The following LRRC4C variants were observed in gnomAD, a reference collection of about 807,000 sequenced individuals.
LRRC4C encodes the protein leucine-rich repeat-containing protein 4C.
A neutral mutation model predicts 33.6 loss-of-function variants in LRRC4C; 5 were observed. The observed-to-expected ratio is 0.15, with a 90% confidence interval of 0.08 to 0.31. The LOEUF (loss-of-function observed/expected upper bound fraction) is 0.31. LRRC4C is among the 10% of genes least tolerant of loss of function. The pLI, the probability that LRRC4C is intolerant of heterozygous loss-of-function variation, is 1.00. For synonymous variants in LRRC4C, 329 were observed against 302.0 expected (o/e 1.09, Z -0.93); for missense variants, 560 against 796.7 (o/e 0.70, Z 3.58).
At chr11:40,776,438 T>G (rs61888006) in intron 2 of LRRC4C, among the ~76,000 whole-genome samples, 1 of 152,150 alleles carries the variant, frequency 6.6e-6, no homozygotes, top group Admixed American at 6.5e-5. Flanking sequence ...GGGTTTCAAT[T>G]TCTTCCTGAT....
chr11:40,837,903 T>TAC (rs1175548017), intron 2 of LRRC4C, among the ~76,000 whole-genome samples: 1 of 134,462 alleles, frequency 7.4e-6, no homozygotes, highest in Non-Finnish European at 1.6e-5. Context: ...TATATATATA[T>TAC]ACACACCCTC....
At chr11:41,352,443 A>G (rs1415721758) in intron 1 of LRRC4C, among the ~76,000 whole-genome samples, 1 of 152,130 alleles carries the variant, frequency 6.6e-6, no homozygotes, top group African/African-American at 2.4e-5. Context: ...CCCCACTGAG[A>G]GTGTTTGACA....
At chr11:40,453,105 G>A (rs919544088) in intron 3 of LRRC4C, among the ~76,000 whole-genome samples, 7 of 151,916 alleles carry the variant, frequency 4.6e-5, no homozygotes, top group African/African-American at 9.7e-5. Context: ...TGGGTGCAGC[G>A]CACCAGCATG....
At chr11:41,374,954 C>T (rs1952882753) in intron 1 of LRRC4C, among the ~76,000 whole-genome samples, 1 of 151,804 alleles carries the variant, frequency 6.6e-6, no homozygotes, top group South Asian at 2.1e-4. Flanking sequence ...GGCAAAATCC[C>T]GTCTCTACTA....
At chr11:40,525,828 A>G (rs1956025281) in intron 3 of LRRC4C, among the ~76,000 whole-genome samples, 1 of 152,166 alleles carries the variant, frequency 6.6e-6, no homozygotes, top group Non-Finnish European at 1.5e-5. Context: ...ACTCCCAGAT[A>G]TCGAGATTGA....
chr11:40,338,230 A>G (rs1946716026), intron 3 of LRRC4C, among the ~76,000 whole-genome samples: 1 of 152,226 alleles, frequency 6.6e-6, no homozygotes, highest in Non-Finnish European at 1.5e-5. Context: ...TCCTAAGAAC[A>G]TGTTCTAAAG....
chr11:41,010,203 C>T (rs913943146), intron 1 of LRRC4C, among the ~76,000 whole-genome samples: 3 of 152,088 alleles, frequency 2.0e-5, no homozygotes, highest in African/African-American at 7.2e-5. Context: ...TTTAAGCCAC[C>T]CAGTATTTGG....
chr11:41,057,072 G>A (rs1858677403), intron 1 of LRRC4C, among the ~76,000 whole-genome samples: 1 of 152,182 alleles, frequency 6.6e-6, no homozygotes, highest in Non-Finnish European at 1.5e-5. Context: ...GCAGCTGCTC[G>A]AATCATGGCT....
rs1343442085 is a variant in LRRC4C, at chr11:40,116,056, C to T, written c.237G>A (p.Arg79=). Residue 79 remains arginine, a synonymous_variant, in exon 7 of 7, where the codon CGG becomes CGA. Coordinates refer to ENST00000528697, the MANE Select transcript of LRRC4C (RefSeq NM_001258419.2). ...EVPDGISTNT[R]LLNLHENQIQ... is the part of the protein sequence containing the mutation. ...TTTGGTTCTCATGGAGGTTCAGCAGCCGTGTGTTGGTGGAGATGCCATCCG... is the reference window on the plus strand; with the variant it reads ...TTTGGTTCTCATGGAGGTTCAGCAGTCGTGTGTTGGTGGAGATGCCATCCG... 3 of 1,613,904 alleles carry T rather than the reference C, an allele frequency of 1.9e-6. No individual in the cohort carries two copies. Among genetic ancestry groups the T allele is most frequent in the East Asian group, 2.2e-5 (1 of 44,864 alleles).
chr11:40,963,052 T>C (rs1851080936), intron 1 of LRRC4C, among the ~76,000 whole-genome samples: 1 of 151,678 alleles, frequency 6.6e-6, no homozygotes, highest in Non-Finnish European at 1.5e-5. Flanking sequence ...CTATAGACAG[T>C]TTTACAAAAG....
At chr11:40,909,427 C>T (rs536743658) in intron 2 of LRRC4C, among the ~76,000 whole-genome samples, 6 of 151,930 alleles carry the variant, frequency 3.9e-5, no homozygotes, top group Non-Finnish European at 8.8e-5. Context: ...AGTAAGAAGG[C>T]TATTAACTAG....
At chr11:40,387,519 T>C (rs1004982891) in intron 3 of LRRC4C, among the ~76,000 whole-genome samples, 2 of 152,194 alleles carry the variant, frequency 1.3e-5, no homozygotes, top group African/African-American at 4.8e-5. Context: ...AAAGGGTTCA[T>C]TTACTTTTTT....
intron 3 of LRRC4C, among the ~76,000 whole-genome samples, chr11:40,399,815 C>G (rs2137533630): frequency 6.6e-6 from 1 of 152,158 alleles, no homozygotes; most frequent in Non-Finnish European, 1.5e-5. Flanking sequence ...TTGCAACCTT[C>G]CATGTCATGC....
chr11:41,056,035 T>A (rs1858597030), intron 1 of LRRC4C, among the ~76,000 whole-genome samples: 1 of 152,158 alleles, frequency 6.6e-6, no homozygotes. Flanking sequence ...GTACACAAGA[T>A]CATGGGTCCT....
At position 41,346,052 on chromosome 11, in the gene LRRC4C, T is replaced by C. The variant is rs1209375547; in HGVS notation, c.-496+113379A>G. 2.0e-5 allele frequency among the ~76,000 whole-genome samples: 3 copies of C among 152,258 alleles called. No individual in the cohort carries two copies. The East Asian group carries it at 5.8e-4, about 29-fold the overall frequency. ...AGAAGGAGGATTCTGGGTGTTTCTA[T>C]ACATATTCATTACACCCTCTAATTT... On this transcript the variant is annotated intron_variant, in intron 1 of 6. Transcript: ENST00000528697.
At position 40,515,333 on chromosome 11, in the gene LRRC4C, T is replaced by C. The variant is rs1052660211; in HGVS notation, c.-270+132809A>G. ...GTCGAAAGGAAACCCTCAGAATTTT[T>C]AGTTTACTAATAGAATTGGTAGAAA... is the stretch of plus-strand genomic sequence containing the variant. On this transcript the variant is annotated intron_variant, in intron 3 of 6. Transcript: ENST00000528697. Among the ~76,000 whole-genome samples, 4 of 152,252 alleles carry C rather than the reference T, an allele frequency of 2.6e-5. No homozygotes were observed. The East Asian group carries it at 5.8e-4, about 22-fold the overall frequency.
intron 1 of LRRC4C, among the ~76,000 whole-genome samples, chr11:40,944,406 A>G (rs1592150970): frequency 6.6e-6 from 1 of 152,336 alleles, no homozygotes; most frequent in South Asian, 2.1e-4. Flanking sequence ...AATCTGCAAG[A>G]CTTGCAAAAC....
intron 1 of LRRC4C, among the ~76,000 whole-genome samples, chr11:41,068,848 G>T (rs147664445): frequency 6.6e-6 from 1 of 152,206 alleles, no homozygotes; most frequent in Non-Finnish European, 1.5e-5. Flanking sequence ...AGAACAAAGA[G>T]GAGCTGGTAC....
intron 1 of LRRC4C, among the ~76,000 whole-genome samples, chr11:41,105,774 C>T (rs1199560774): frequency 1.3e-5 from 2 of 152,044 alleles, no homozygotes; most frequent in Non-Finnish European, 2.9e-5. Context: ...TGGAAAGAGA[C>T]TTCTGCAGAA....
Sources: gnomAD v4.1 joint callset for allele counts (sites outside exome capture counted in the v4.1 genomes callset) on GRCh38, gnomAD v4.1.1 for gene constraint, MANE v1.5 for transcripts, NCBI Gene and HGNC (gene_info 2026-07-23, HGNC 2026-07-21) for gene names.